The following TMEM131L variants were observed in gnomAD, a reference collection of about 807,000 sequenced individuals.
TMEM131L encodes the protein transmembrane 131 like, also known as transmembrane protein 131-like.
Under a neutral mutation model 192.2 loss-of-function variants are expected in TMEM131L, and 54 were observed. The ratio of observed to expected loss-of-function variants is 0.28; its 90% confidence interval spans 0.23 to 0.35. The LOEUF (loss-of-function observed/expected upper bound fraction) is 0.35. TMEM131L is among the 10% of genes least tolerant of loss of function. The probability of loss-of-function intolerance (pLI) is 1.00; values close to 1 mark genes in which losing one functional copy is unlikely to be tolerated. For synonymous variants in TMEM131L, 701 were observed against 704.9 expected (o/e 0.99, Z 0.09); for missense variants, 1,888 against 1,972.9 (o/e 0.96, Z 0.82).
intron 3 of TMEM131L, among the ~76,000 whole-genome samples, chr4:153,537,784 G>A (rs555288240): frequency 1.4e-4 from 21 of 152,154 alleles, no homozygotes; most frequent in Non-Finnish European, 2.5e-4. Flanking sequence ...TTTCAGCCTC[G>A]TTTTACCCAG....
chr4:153,475,158 T>C (rs1352898218), intron 3 of TMEM131L, among the ~76,000 whole-genome samples: 6 of 152,190 alleles, frequency 3.9e-5, no homozygotes, highest in Non-Finnish European at 8.8e-5. Context: ...ATTTGAAATA[T>C]TGGTGTTTGT....
Position 153,497,285 on chromosome 4 carries a change from A to G in TMEM131L, c.239+23397A>G, listed in dbSNP as rs554308870. Among the ~76,000 whole-genome samples the G allele has an allele frequency of 7.9e-5, 12 of 152,336 alleles. No individual in the cohort carries two copies. The East Asian group carries it at 2.1e-3, about 27-fold the overall frequency. ...GGCAAGGTGGGAGCATTCTGCAAGC[A>G]TCATGACATCATTGAGCTACTGAAT... is the stretch of plus-strand genomic sequence containing the variant. On this transcript the variant is annotated intron_variant, in intron 3 of 34. Transcript: ENST00000409959.
chr4:153,505,234 G>A (rs975414288), intron 3 of TMEM131L, among the ~76,000 whole-genome samples: 1 of 151,684 alleles, frequency 6.6e-6, no homozygotes, highest in Non-Finnish European at 1.5e-5. Flanking sequence ...AGCCTCTCGA[G>A]TAGCTGGGAC....
chr4:153,621,107 A>G, intron 27 of TMEM131L, among the ~76,000 whole-genome samples: 1 of 152,156 alleles, frequency 6.6e-6, no homozygotes, highest in East Asian at 1.9e-4. Context: ...TCTTTCCTTT[A>G]TAAAATGCTA....
Position 153,625,138 on chromosome 4 carries a change from G to A in TMEM131L, c.4046-1009G>A, listed in dbSNP as rs576580800. Among the ~76,000 whole-genome samples the A allele has an allele frequency of 7.7e-4, 117 of 152,326 alleles. 1 individual carries two copies. Among genetic ancestry groups the A allele is most frequent in the South Asian group, 7.5e-3 (36 of 4,826 alleles). On this transcript the variant is annotated intron_variant, in intron 29 of 34. Coordinates refer to ENST00000409959, the MANE Select transcript of TMEM131L (RefSeq NM_001131007.2). ...GGGATTTTAAAAATGGAGGCCGGGC[G>A]CAGTGGCTCACACCTGCAATCCCAG...
intron 3 of TMEM131L, among the ~76,000 whole-genome samples, chr4:153,505,353 G>T (rs1284107472): frequency 6.6e-6 from 1 of 151,996 alleles, no homozygotes; most frequent in African/African-American, 2.4e-5. Flanking sequence ...TGATCCACCC[G>T]CTTCAACCTC....
intron 25 of TMEM131L, among the ~76,000 whole-genome samples, chr4:153,605,256 T>C (rs1732140334): frequency 6.6e-6 from 1 of 152,254 alleles, no homozygotes; most frequent in South Asian, 2.1e-4. Flanking sequence ...ATTGTCATTA[T>C]CCTTTAATAG....
At chr4:153,523,734 A>G (rs1735276955) in intron 3 of TMEM131L, among the ~76,000 whole-genome samples, 1 of 152,176 alleles carries the variant, frequency 6.6e-6, no homozygotes, top group Non-Finnish European at 1.5e-5. Flanking sequence ...TTATGGAGAA[A>G]AGTCTGCGGT....
intron 30 of TMEM131L, among the ~76,000 whole-genome samples, chr4:153,626,816 T>C (rs965979294): frequency 6.6e-6 from 1 of 152,224 alleles, no homozygotes; most frequent in African/African-American, 2.4e-5. Context: ...GTAGTTATTA[T>C]AAAGATGGGA....
intron 7 of TMEM131L, among the ~76,000 whole-genome samples, chr4:153,564,015 G>A (rs1729023301): frequency 1.3e-5 from 2 of 151,984 alleles, no homozygotes; most frequent in South Asian, 4.1e-4. Context: ...CCAGCCAGAT[G>A]CGGTGGCTCA....
chr4:153,517,032 G>T (rs1416051420), intron 3 of TMEM131L, among the ~76,000 whole-genome samples: 1 of 151,912 alleles, frequency 6.6e-6, no homozygotes, highest in Admixed American at 6.6e-5. Context: ...TCACCGTGTT[G>T]GCCAGGCTGG....
chr4:153,622,875 A>G, intron 28 of TMEM131L, 23 bp from the exon 29 acceptor site: 1 of 1,612,922 alleles, frequency 6.2e-7, no homozygotes, highest in South Asian at 1.1e-5. Flanking sequence ...TCAGGGAAAC[A>G]TGACTCCTTT....
chr4:153,597,243 TG>T (rs1444800779), intron 20 of TMEM131L, among the ~76,000 whole-genome samples: 1 of 151,392 alleles, frequency 6.6e-6, no homozygotes, highest in African/African-American at 2.4e-5. Flanking sequence ...TTTCTTTTTT[TG>T]TTTATTAATT....
intron 3 of TMEM131L, among the ~76,000 whole-genome samples, chr4:153,521,625 C>T (rs185863951): frequency 5.9e-5 from 9 of 152,198 alleles, no homozygotes; most frequent in Admixed American, 3.3e-4. Context: ...CCATCCGTCT[C>T]CAGAAATCTT....
chr4:153,536,747 G>GTA (rs1332452336), intron 3 of TMEM131L, among the ~76,000 whole-genome samples: 6 of 129,300 alleles, frequency 4.6e-5, no homozygotes, highest in South Asian at 5.7e-4. Flanking sequence ...TCCCTTCTAT[G>GTA]TATATATATA....
At chr4:153,588,458 C>T (rs1257873275) in intron 15 of TMEM131L, among the ~76,000 whole-genome samples, 2 of 149,900 alleles carry the variant, frequency 1.3e-5, no homozygotes, top group Non-Finnish European at 3.0e-5. Flanking sequence ...TGCATCTTCT[C>T]TAGGATCGGC....
intron 3 of TMEM131L, among the ~76,000 whole-genome samples, chr4:153,546,633 T>TA (rs1236339814): frequency 6.6e-6 from 1 of 152,168 alleles, no homozygotes; most frequent in Admixed American, 6.5e-5. Flanking sequence ...CCCAGTTTTT[T>TA]AACAAATATT....
At chr4:153,527,496 T>A (rs1469292682) in intron 3 of TMEM131L, among the ~76,000 whole-genome samples, 1 of 152,122 alleles carries the variant, frequency 6.6e-6, no homozygotes, top group East Asian at 1.9e-4. Flanking sequence ...GCTGGTCTTT[T>A]GAACTCCTGG....
chr4:153,497,112 T>C (rs1162691321), intron 3 of TMEM131L, among the ~76,000 whole-genome samples: 2 of 152,220 alleles, frequency 1.3e-5, no homozygotes, highest in Non-Finnish European at 1.5e-5. Flanking sequence ...TCCACCTGCC[T>C]CAGCTTCCTG....
Sources: allele counts gnomAD v4.1 joint callset (sites outside exome capture counted in the v4.1 genomes callset), GRCh38; gene constraint gnomAD v4.1.1; transcripts MANE v1.5; gene names NCBI Gene and HGNC (gene_info 2026-07-23, HGNC 2026-07-21).